Variants in KLHL29 observed in about 807,000 individuals in gnomAD.
KLHL29 encodes kelch-like protein 29.
KLHL29 carries 21 observed loss-of-function variants against 80.4 expected under a neutral mutation model. That is an observed-to-expected ratio of 0.26 (90% CI 0.19 to 0.38). The LOEUF (loss-of-function observed/expected upper bound fraction) is 0.38, where lower values mean the gene tolerates loss of function less well. Ranked by LOEUF, KLHL29 falls within the 10% of genes least tolerant of loss-of-function variation. The pLI, the probability that KLHL29 is intolerant of heterozygous loss-of-function variation, is 1.00. For synonymous variants in KLHL29, 511 were observed against 526.8 expected (o/e 0.97, Z 0.41); for missense variants, 867 against 1,223.9 (o/e 0.71, Z 4.35).
At chr2:23,459,837 A>G (rs1453183935) in intron 1 of KLHL29, among the ~76,000 whole-genome samples, 2 of 152,216 alleles carry the variant, frequency 1.3e-5, no homozygotes, top group Admixed American at 1.3e-4. Context: ...ATTTAGCACC[A>G]TGGAGGACAC....
chr2:23,633,166 T>A (rs1669513578), intron 3 of KLHL29, among the ~76,000 whole-genome samples: 3 of 152,144 alleles, frequency 2.0e-5, no homozygotes, highest in Admixed American at 2.0e-4. Flanking sequence ...CAGATGAAGG[T>A]CCGGGTACAG....
intron 1 of KLHL29, among the ~76,000 whole-genome samples, chr2:23,431,575 TTTCA>T (rs1663176761): frequency 6.6e-6 from 1 of 151,154 alleles, no homozygotes; most frequent in African/African-American, 2.5e-5. Flanking sequence ...TTCATTTCAA[TTTCA>T]TTCTTTTTTT....
chr2:23,524,894 T>A (rs1666252393), intron 2 of KLHL29, among the ~76,000 whole-genome samples: 1 of 152,206 alleles, frequency 6.6e-6, no homozygotes, highest in African/African-American at 2.4e-5. Context: ...TTCTATTTCA[T>A]GGGGATCTTA....
intron 1 of KLHL29, among the ~76,000 whole-genome samples, chr2:23,419,753 G>A (rs60976014): frequency 0.058 from 8,789 of 152,192 alleles, 840 homozygotes; most frequent in African/African-American, 0.2. Flanking sequence ...GAGGGCTCCC[G>A]TGGGCTGCGC....
At chr2:23,445,491 C>T (rs1250363848) in intron 1 of KLHL29, among the ~76,000 whole-genome samples, 1 of 152,154 alleles carries the variant, frequency 6.6e-6, no homozygotes, top group Non-Finnish European at 1.5e-5. Context: ...GTGTGGCTAC[C>T]CCGGAAGGGA....
At chr2:23,667,204 A>G (rs1229370373) in intron 5 of KLHL29, 4 of 152,202 alleles carry the variant, frequency 2.6e-5, no homozygotes, top group Non-Finnish European at 5.9e-5. Flanking sequence ...TTGCATAAAC[A>G]TATGTATGGA....
intron 2 of KLHL29, among the ~76,000 whole-genome samples, chr2:23,518,207 G>T (rs1243978147): frequency 3.9e-5 from 6 of 152,174 alleles, no homozygotes; most frequent in Non-Finnish European, 8.8e-5. Flanking sequence ...CCTGAGACTT[G>T]GCCTATGGCT....
intron 11 of KLHL29, among the ~76,000 whole-genome samples, chr2:23,699,367 G>A (rs1672211016): frequency 6.6e-6 from 1 of 152,256 alleles, no homozygotes; most frequent in Admixed American, 6.5e-5. Context: ...CGAACAGTGA[G>A]CAGCATGGTG....
intron 5 of KLHL29, among the ~76,000 whole-genome samples, chr2:23,677,528 C>T (rs933975806): frequency 2.0e-5 from 3 of 152,194 alleles, no homozygotes; most frequent in Non-Finnish European, 4.4e-5. Context: ...CCCACAGGTG[C>T]CGCCCGCAGG....
At chr2:23,513,531 T>G (rs1665836051) in intron 2 of KLHL29, among the ~76,000 whole-genome samples, 1 of 152,224 alleles carries the variant, frequency 6.6e-6, no homozygotes, top group Non-Finnish European at 1.5e-5. Context: ...ACCAAACTCT[T>G]GGCTCAAATG....
intron 7 of KLHL29, 37 bp from the exon 8 acceptor site, chr2:23,693,232 G>T (rs1432546678): frequency 4.6e-6 from 7 of 1,520,374 alleles, no homozygotes; most frequent in Non-Finnish European, 6.2e-6. Context: ...CTGCTTCCCG[G>T]GCCTTTGGGT....
chr2:23,493,644 A>T (rs1246211280), intron 2 of KLHL29, among the ~76,000 whole-genome samples: 3 of 151,224 alleles, frequency 2.0e-5, no homozygotes, highest in Admixed American at 6.6e-5. Context: ...TGTGTGTGTG[A>T]GTGTGTGTGT....
At position 23,696,417 on chromosome 2, in the gene KLHL29, C is replaced by G; in HGVS notation, c.2009C>G (p.Thr670Arg). Reference sequence around the variant, plus strand: ...AACTGGAACCTCGTCTCCAGAATGACAGTCCCCCGCTGTCGGCACAATAGC... The same window carrying G: ...AACTGGAACCTCGTCTCCAGAATGAGAGTCCCCCGCTGTCGGCACAATAGC... ...LDNWNLVSRM[T>R]VPRCRHNSLV... is the part of the protein sequence containing the mutation. Residue 670 changes from threonine (T) to arginine (R), a missense_variant, in exon 11 of 14, where the codon ACA becomes AGA. Physicochemically the swap from Thr to Arg is moderately conservative, Grantham distance 71. This residue lies in a region of KLHL29 where 443 missense variants were observed against 767.0 expected (regional missense o/e 0.58). Transcript: ENST00000486442. The surrounding 1 kb of genome is among the most constrained non-coding windows in gnomAD (Gnocchi z 5.5). The G allele has an allele frequency of 6.4e-7, 1 of 1,551,526 alleles. No homozygotes were observed. Among genetic ancestry groups the G allele is most frequent in the Non-Finnish European group, 8.7e-7 (1 of 1,146,926 alleles).
At position 23,673,733 on chromosome 2, in the gene KLHL29, A is replaced by T. The variant is rs545643542; in HGVS notation, c.941-10666A>T. ...CACACACACCCCTACACAGGCACAT[A>T]CACAGGGGTGCATGCACACACCCAC... On this transcript the variant is annotated intron_variant, in intron 5 of 13. Coordinates refer to ENST00000486442, the MANE Select transcript of KLHL29 (RefSeq NM_052920.2). Among the ~76,000 whole-genome samples the T allele has an allele frequency of 2.4e-3, 352 of 143,918 alleles. 1 individual carries two copies. The highest frequency in any genetic ancestry group is 4.3e-3 in the Non-Finnish European group (270 of 63,458). The allele number at this position is 143,918 out of a possible 152,430, so 94.4% of individuals were successfully genotyped here.
At chr2:23,637,143 A>T (rs1489517560) in intron 3 of KLHL29, among the ~76,000 whole-genome samples, 1 of 152,018 alleles carries the variant, frequency 6.6e-6, no homozygotes, top group Admixed American at 6.5e-5. Context: ...TAGCATTCAC[A>T]CTTTGCTCCC....
intron 3 of KLHL29, among the ~76,000 whole-genome samples, chr2:23,571,657 A>C (rs1222671454): frequency 6.6e-6 from 1 of 152,178 alleles, no homozygotes; most frequent in Non-Finnish European, 1.5e-5. Context: ...CAAGAAAAAA[A>C]GTCATCCTTC....
chr2:23,472,110 G>T (rs1337118078), intron 1 of KLHL29, among the ~76,000 whole-genome samples: 3 of 128,102 alleles, frequency 2.3e-5, no homozygotes, highest in African/African-American at 8.8e-5. Flanking sequence ...TTAAGCCCAG[G>T]GTCTAACTGC....
intron 5 of KLHL29, among the ~76,000 whole-genome samples, chr2:23,679,759 C>CCT (rs1204850199): frequency 6.6e-6 from 1 of 152,162 alleles, no homozygotes; most frequent in Non-Finnish European, 1.5e-5. Flanking sequence ...GTTCTGCCAG[C>CCT]CTCCGGAGGA....
At chr2:23,605,477 T>C (rs1668687285) in intron 3 of KLHL29, among the ~76,000 whole-genome samples, 1 of 152,122 alleles carries the variant, frequency 6.6e-6, no homozygotes, top group Non-Finnish European at 1.5e-5. Context: ...AGACCAGGCC[T>C]TCCACAGAAC....
Sources: gnomAD v4.1 joint callset for allele counts (sites outside exome capture counted in the v4.1 genomes callset) on GRCh38, gnomAD v4.1.1 for gene constraint, gnomAD v4.1.1 regional missense constraint, Gnocchi (gnomAD v3.1) non-coding constraint, MANE v1.5 for transcripts, NCBI Gene and HGNC (gene_info 2026-07-23, HGNC 2026-07-21) for gene names.